Variants in RELA observed in about 807,000 individuals in gnomAD.
The protein encoded by RELA is transcription factor p65.
Under a neutral mutation model 56.7 loss-of-function variants are expected in RELA, and 14 were observed. The observed-to-expected ratio is 0.25, with a 90% confidence interval of 0.16 to 0.39. RELA has a LOEUF of 0.39. RELA is among the 10% of genes least tolerant of loss of function. The pLI is 1.00. For missense variants in RELA, 559 were observed against 736.4 expected (o/e 0.76, Z 2.79); for synonymous variants, 315 against 289.7 (o/e 1.09, Z -0.89).
intron 8 of RELA, among the ~76,000 whole-genome samples, chr11:65,656,583 C>G (rs1235902191): frequency 1.3e-5 from 2 of 152,310 alleles, no homozygotes; most frequent in East Asian, 3.9e-4. Context: ...CCGCCAGTAA[C>G]TTGACATATA....
Position 65,654,550 on chromosome 11 carries a change from T to C in RELA, c.1484A>G (p.Glu495Gly), listed in dbSNP as rs778695678. The C allele has an allele frequency of 1.9e-6, 3 of 1,613,092 alleles. No homozygotes were observed. The highest frequency in any genetic ancestry group is 1.3e-5 in the African/African-American group (1 of 74,886). Reference sequence around the variant, plus strand: ...TAGGCGAGTTATAGCCTCAGGGTACTCCATCAGCATGGGCTCAGTTGTGTG... The same window carrying C: ...TAGGCGAGTTATAGCCTCAGGGTACCCCATCAGCATGGGCTCAGTTGTGTG... ...APHTTEPMLM[E>G]YPEAITRLVT... Residue 495 changes from glutamate (E) to glycine (G), a missense_variant, in exon 11 of 11, where the codon GAG becomes GGG. Around this residue, in one of 4 missense-constraint regions of RELA, gnomAD observed 365 missense variants for 387.5 expected, o/e 0.94. Coordinates refer to ENST00000406246, the MANE Select transcript of RELA (RefSeq NM_021975.4).
chr11:65,661,797 G>T lies in RELA; in HGVS notation c.225C>A (p.Ser75=). 6.2e-7 allele frequency: 1 copy of T among 1,613,852 alleles called. No homozygotes were observed. Among genetic ancestry groups the T allele is most frequent in the Non-Finnish European group, 8.5e-7 (1 of 1,179,916 alleles). The change falls in exon 4 of 11, where the codon TCC becomes TCA. Residue 75 remains serine (S), a synonymous_variant. Coordinates refer to ENST00000406246, the MANE Select transcript of RELA (RefSeq NM_021975.4). The part of the protein sequence containing the change: ...GYTGPGTVRI[S]LVTKDPPHRP... ...GGTGAGGAGGGTCCTTGGTGACCAG[G>T]GAGATGCGCACTGTCCCTGGTCCTG...
rs1039537150 is a variant in RELA, at chr11:65,658,964, CCTT to C, written c.560-145_560-143del. 1.2e-5 allele frequency: 8 copies of C among 683,756 alleles called. No homozygotes were observed. Among genetic ancestry groups the C allele is most frequent in the African/African-American group, 1.1e-4 (6 of 56,676 alleles). 42.4% of individuals were successfully genotyped at this position (683,756 alleles called of 1,614,324 possible). On this transcript the variant is annotated intron_variant, in intron 6 of 10. Transcript: ENST00000406246. The surrounding 1 kb of genome is among the most constrained non-coding windows in gnomAD (Gnocchi z 4.5). ...CTACACCTTTGTAGCCAAAGTCAGA[CCTT>C]CTTATTAGCTCCTCACCCCAACCGA...
Position 65,655,711 on chromosome 11 carries a change from C to A in RELA, c.1010G>T (p.Ser337Ile), listed in dbSNP as rs1219333291. 1 of 1,613,932 alleles carries A rather than the reference C, an allele frequency of 6.2e-7. No individual in the cohort carries two copies. Among genetic ancestry groups the A allele is most frequent in the Non-Finnish European group, 8.5e-7 (1 of 1,179,986 alleles). ...PPRRIAVPSR[S>I]SASVPKPAPQ... ...ACCTGGCTTGGGGACAGAAGCTGAG[C>A]TGCGGGAAGGCACAGCAATGCGTCG... Residue 337 changes from serine (S) to isoleucine (I), a missense_variant, in exon 10 of 11, where the codon AGC becomes ATC. Ser to Ile is a moderately radical substitution (Grantham distance 142). Transcript: ENST00000406246.
rs372924694 is a variant in RELA, at chr11:65,661,833, G to T, written c.189C>A (p.Ile63=). ...DTTKTHPTIK[I]NGYTGPGTVR... is the part of the protein sequence containing the mutation. ...CTGTCCCTGGTCCTGTGTAGCCATT[G>T]ATCTGTCCAAAGTACAGAGGCCCAG... Residue 63 remains isoleucine, a splice_region_variant and synonymous_variant, in exon 4 of 11, where the codon ATC becomes ATA. Coordinates refer to ENST00000406246, the MANE Select transcript of RELA (RefSeq NM_021975.4). 2.7e-5 allele frequency: 44 copies of T among 1,610,288 alleles called. No individual in the cohort carries two copies. The highest frequency in any genetic ancestry group is 1.7e-5 in the Admixed American group (1 of 59,698).
At chr11:65,656,256 T>C (rs572063067) in intron 8 of RELA, among the ~76,000 whole-genome samples, 1 of 152,312 alleles carries the variant, frequency 6.6e-6, no homozygotes, top group Admixed American at 6.5e-5. Context: ...TCCTGGCTCA[T>C]TGTCAGCCTC....
intron 1 of RELA, 103 bp downstream of exon 1, chr11:65,662,723 G>T: frequency 1.1e-6 from 1 of 950,726 alleles, no homozygotes; most frequent in Non-Finnish European, 1.3e-6. Context: ...TCCCTGCGCA[G>T]CGCCCGTCGG....
intron 10 of RELA, chr11:65,655,288 C>G: frequency 1.8e-6 from 1 of 566,304 alleles, no homozygotes; most frequent in East Asian, 3.0e-5. Flanking sequence ...CAGTTTACAG[C>G]TGAAAAACTA....
intron 5 of RELA, 132 bp downstream of exon 5, chr11:65,659,992 T>G: frequency 8.6e-7 from 1 of 1,157,910 alleles, no homozygotes; most frequent in Non-Finnish European, 1.3e-6. Context: ...TTCCCAGTGG[T>G]AAAGTGGGAG....
chr11:65,659,423 G>A (rs1856507803), intron 6 of RELA, among the ~76,000 whole-genome samples: 1 of 152,096 alleles, frequency 6.6e-6, no homozygotes, highest in South Asian at 2.1e-4. Flanking sequence ...TACTGAAAAT[G>A]CCCATCTCCC....
chr11:65,655,969 C>T (rs771204492), intron 8 of RELA, 34 bp from the exon 9 acceptor site: 10 of 1,591,192 alleles, frequency 6.3e-6, no homozygotes, highest in Middle Eastern at 3.3e-4. Flanking sequence ...GGGACTTGCT[C>T]TCCTCAGGTG....
Position 65,655,751 on chromosome 11 carries a change from G to A in RELA, c.970C>T (p.Pro324Ser). 6.2e-7 allele frequency: 1 copy of A among 1,614,108 alleles called. No individual in the cohort carries two copies. The highest frequency in any genetic ancestry group is 8.5e-7 in the Non-Finnish European group (1 of 1,179,996). Residue 324 changes from proline to serine, a missense_variant, in exon 10 of 11, where the codon CCC becomes TCC. Transcript: ENST00000406246. ...KKSPFSGPTD[P>S]RPPPRRIAVP... is the part of the protein sequence containing the mutation. ...GCAATGCGTCGAGGTGGAGGCCGGG[G>A]GTCGGTGGGTCCTGTAGGGCAAGGG...
At chr11:65,661,601 C>T in intron 4 of RELA, 86 bp downstream of exon 4, 1 of 1,312,130 alleles carries the variant, frequency 7.6e-7, no homozygotes, top group Non-Finnish European at 1.0e-6. Flanking sequence ...TGCCCTGGGT[C>T]CAGAAAGGAG....
In RELA at chr11:65,658,697, C is replaced by A. The variant is rs766587006; in HGVS notation, c.664+21G>T. 2 of 1,603,558 alleles carry A rather than the reference C, an allele frequency of 1.2e-6. No individual in the cohort carries two copies. The highest frequency in any genetic ancestry group is 1.1e-5 in the South Asian group (1 of 90,826). ...TTCACCCCTTGCTCCCAAGAGCCCA[C>A]CCCTGCCTCCTGATGTATACCTTTC... On this transcript the variant is annotated intron_variant, in intron 7 of 10. Coordinates refer to ENST00000406246, the MANE Select transcript of RELA (RefSeq NM_021975.4). This position sits in a 1 kb window ranked among gnomAD's most constrained non-coding sequence, Gnocchi z 4.5.
At chr11:65,662,963 C>G, upstream of RELA, 1 of 746,540 alleles carries the variant, frequency 1.3e-6, no homozygotes, top group Non-Finnish European at 1.8e-6. Flanking sequence ...TCCGGCCGCG[C>G]CTGCGCGCTG....
intron 4 of RELA, chr11:65,660,586 T>G: frequency 4.1e-6 from 1 of 243,762 alleles, no homozygotes; most frequent in Non-Finnish European, 8.0e-6. Context: ...AGGGAGGCCT[T>G]CCCTGACCTC....
At position 65,654,906 on chromosome 11, in the gene RELA, G is replaced by T; in HGVS notation, c.1128C>A (p.Ala376=). ...MVFPSGQISQ[A]SALAPAPPQV... Reference sequence around the variant, plus strand: ...GGGGAGGGGCCGGGGCCAAGGCCGAGGCCTGGCTGATCTGCCCAGAAGGAA... The same window carrying T: ...GGGGAGGGGCCGGGGCCAAGGCCGATGCCTGGCTGATCTGCCCAGAAGGAA... The change falls in exon 11 of 11, where the codon GCC becomes GCA. Residue 376 remains alanine, a synonymous_variant. Coordinates refer to ENST00000406246, the MANE Select transcript of RELA (RefSeq NM_021975.4). The T allele has an allele frequency of 6.3e-7, 1 of 1,594,608 alleles. No individual in the cohort carries two copies. Among genetic ancestry groups the T allele is most frequent in the Non-Finnish European group, 8.5e-7 (1 of 1,170,904 alleles).
Position 65,661,772 on chromosome 11 carries a change from G to A in RELA, c.250C>T (p.Arg84Trp). 1 of 1,613,910 alleles carries A rather than the reference G, an allele frequency of 6.2e-7. No homozygotes were observed. The highest frequency in any genetic ancestry group is 1.1e-5 in the South Asian group (1 of 91,042). Residue 84 changes from arginine (R) to tryptophan (W), a missense_variant, in exon 4 of 11, where the codon CGG becomes TGG. By Grantham distance (101) the Arg-to-Trp change is moderately radical. This residue lies in a region of RELA where 149 missense variants were observed against 256.0 expected (regional missense o/e 0.58). Transcript: ENST00000406246. The stretch of plus-strand genomic sequence containing the variant: ...CCTACAAGCTCGTGGGGGTGAGGCC[G>A]GTGAGGAGGGTCCTTGGTGACCAGG... The part of the protein sequence containing the change: ...ISLVTKDPPH[R>W]PHPHELVGKD...
At position 65,655,007 on chromosome 11, in the gene RELA, G is replaced by A. The variant is rs1315425523; in HGVS notation, c.1034-7C>T. Reference sequence around the variant, plus strand: ...AAGGGATAGGGCTGGGGTGCTGGAGGAGAGAGACAGAGAGGCAGGGGTCAG... The same window carrying A: ...AAGGGATAGGGCTGGGGTGCTGGAGAAGAGAGACAGAGAGGCAGGGGTCAG... On this transcript the variant is annotated splice_region_variant and splice_polypyrimidine_tract_variant and intron_variant, in intron 10 of 10. Transcript: ENST00000406246. 3 of 1,585,034 alleles carry A rather than the reference G, an allele frequency of 1.9e-6. No individual in the cohort carries two copies. The highest frequency in any genetic ancestry group is 2.6e-6 in the Non-Finnish European group (3 of 1,165,172).
Sources: gnomAD v4.1 joint callset for allele counts (sites outside exome capture counted in the v4.1 genomes callset) on GRCh38, gnomAD v4.1.1 for gene constraint, gnomAD v4.1.1 regional missense constraint, Gnocchi (gnomAD v3.1) non-coding constraint, MANE v1.5 for transcripts, NCBI Gene and HGNC (gene_info 2026-07-23, HGNC 2026-07-21) for gene names.